DLG2: variants seen among roughly 807,000 people sequenced by gnomAD.
The protein encoded by DLG2 is disks large homolog 2.
Under a neutral mutation model 132.5 loss-of-function variants are expected in DLG2, and 45 were observed. The observed-to-expected ratio is 0.34, with a 90% CI of 0.27 to 0.44. DLG2 has a LOEUF of 0.44. Among genes scored for constraint, DLG2 ranks in the 20% least tolerant of loss-of-function variants. The pLI is 1.00. For synonymous variants in DLG2, 424 were observed against 419.6 expected, an observed-to-expected ratio of 1.01 and a Z score of -0.13; for missense variants, 1,045 against 1,196.9, an observed-to-expected ratio of 0.87 and a Z score of 1.87.
intron 4 of DLG2, among the ~76,000 whole-genome samples, chr11:85,186,825 TAA>T (rs2080137944): frequency 1.3e-5 from 2 of 152,254 alleles, no homozygotes; most frequent in South Asian, 4.1e-4. Flanking sequence ...TTTCAAGTTA[TAA>T]TTCATCATAT....
At chr11:83,484,615 A>ATGAT (rs2093379160) in intron 21 of DLG2, among the ~76,000 whole-genome samples, 1 of 152,146 alleles carries the variant, frequency 6.6e-6, no homozygotes, top group Admixed American at 6.5e-5. Flanking sequence ...AATGAGGACA[A>ATGAT]TGATAGCAGC....
intron 4 of DLG2, among the ~76,000 whole-genome samples, chr11:85,282,656 G>A (rs2078304446): frequency 6.6e-6 from 1 of 151,872 alleles, no homozygotes; most frequent in Non-Finnish European, 1.5e-5. Context: ...AAGAACAACT[G>A]TATTTAGAAT....
At chr11:85,450,928 C>T (rs1417725158) in intron 3 of DLG2, among the ~76,000 whole-genome samples, 1 of 152,018 alleles carries the variant, frequency 6.6e-6, no homozygotes, top group Non-Finnish European at 1.5e-5. Context: ...CCACTCAGAG[C>T]TTGTTTCTAA....
chr11:83,887,470 C>A (rs1207063913), intron 15 of DLG2, among the ~76,000 whole-genome samples: 1 of 151,898 alleles, frequency 6.6e-6, no homozygotes, highest in Non-Finnish European at 1.5e-5. Context: ...GCTTACCAAC[C>A]AAAAAGAGTC....
rs576740947 is a variant in DLG2, at chr11:85,514,072, G to A, written c.40+84585C>T. Among the ~76,000 whole-genome samples, 5 of 151,966 alleles carry A rather than the reference G, an allele frequency of 3.3e-5. No individual in the cohort carries two copies. In the East Asian group the frequency reaches 5.8e-4, roughly 18 times the overall value. On this transcript the variant is annotated intron_variant, in intron 3 of 27. Coordinates refer to ENST00000376104, the MANE Select transcript of DLG2 (RefSeq NM_001142699.3). ...AATACATATTTCAGACCCTTGCAGA[G>A]TAATTTTGTAAAACTCAGATTTATT... is the stretch of plus-strand genomic sequence containing the variant.
intron 17 of DLG2, among the ~76,000 whole-genome samples, chr11:83,787,470 C>T (rs950378503): frequency 4.0e-5 from 6 of 151,516 alleles, no homozygotes; most frequent in African/African-American, 1.2e-4. Context: ...TACAGGTGCC[C>T]GCCACCACGC....
At chr11:83,734,396 C>G (rs1050686937) in intron 18 of DLG2, among the ~76,000 whole-genome samples, 11 of 144,868 alleles carry the variant, frequency 7.6e-5, no homozygotes, top group African/African-American at 2.9e-4. Flanking sequence ...TCCTTCCTTC[C>G]TTCCTTCCTT....
intron 6 of DLG2, among the ~76,000 whole-genome samples, chr11:85,071,783 T>C (rs1006490876): frequency 6.6e-6 from 1 of 151,864 alleles, no homozygotes; most frequent in Non-Finnish European, 1.5e-5. Context: ...GCGATTCATA[T>C]GATTAGAATA....
intron 2 of DLG2, among the ~76,000 whole-genome samples, chr11:85,613,128 T>C (rs1404463834): frequency 1.3e-5 from 2 of 152,194 alleles, no homozygotes; most frequent in Non-Finnish European, 2.9e-5. Flanking sequence ...TTGGGCAATA[T>C]GGCTCCTCCC....
intron 3 of DLG2, among the ~76,000 whole-genome samples, chr11:85,538,976 C>T (rs950176065): frequency 6.6e-6 from 1 of 151,824 alleles, no homozygotes; most frequent in African/African-American, 2.4e-5. Flanking sequence ...ATGCCCTGCA[C>T]ATGTATCCCA....
chr11:84,598,683 T>C (rs2099569076), intron 6 of DLG2, among the ~76,000 whole-genome samples: 1 of 151,426 alleles, frequency 6.6e-6, no homozygotes, highest in Non-Finnish European at 1.5e-5. Flanking sequence ...CCCAGCACTC[T>C]AGGAGGCCAG....
At chr11:83,480,275 G>A (rs1177431125) in intron 22 of DLG2, 9 of 934,158 alleles carry the variant, frequency 9.6e-6, no homozygotes, top group East Asian at 2.6e-5. Context: ...ATGATAAAAG[G>A]TAGCAATTGA....
At chr11:84,932,822 G>A (rs1051482509) in intron 6 of DLG2, among the ~76,000 whole-genome samples, 17 of 152,108 alleles carry the variant, frequency 1.1e-4, no homozygotes, top group African/African-American at 4.1e-4. Context: ...CGATAAACAT[G>A]TGTGTGCATG....
chr11:85,494,789 C>T (rs1046772661), intron 3 of DLG2, among the ~76,000 whole-genome samples: 12 of 151,702 alleles, frequency 7.9e-5, no homozygotes, highest in Non-Finnish European at 1.2e-4. Flanking sequence ...AATTATGAAG[C>T]TCTTCAAAGA....
At chr11:84,041,070 T>A (rs193035908) in intron 11 of DLG2, among the ~76,000 whole-genome samples, 2,739 of 151,970 alleles carry the variant, frequency 0.018, 79 homozygotes, top group South Asian at 0.063. Context: ...TACATTGATT[T>A]TGTATCCTGA....
intron 4 of DLG2, among the ~76,000 whole-genome samples, chr11:85,189,317 C>G (rs900238206): frequency 6.6e-6 from 1 of 152,066 alleles, no homozygotes; most frequent in African/African-American, 2.4e-5. Flanking sequence ...AAATTCATTC[C>G]TAGAGACCTA....
At chr11:85,400,006 G>C (rs2087882923) in intron 3 of DLG2, among the ~76,000 whole-genome samples, 1 of 151,954 alleles carries the variant, frequency 6.6e-6, no homozygotes, top group Admixed American at 6.6e-5. Flanking sequence ...CCTACAAAAT[G>C]GGAGAAAATT....
At chr11:84,586,215 A>C (rs576661465) in intron 6 of DLG2, among the ~76,000 whole-genome samples, 9 of 146,852 alleles carry the variant, frequency 6.1e-5, no homozygotes, top group East Asian at 5.8e-4. Flanking sequence ...TACTTTCTCT[A>C]TGTGTTCTGT....
chr11:85,611,329 C>A lies in DLG2; in HGVS notation c.-92-12541G>T, dbSNP rs565989950. Reference sequence around the variant, plus strand: ...CCAAAGGAAGTTTATGGCTATCAGACAACTGCCTACTTAGATACCAGGCAC... The same window carrying A: ...CCAAAGGAAGTTTATGGCTATCAGAAAACTGCCTACTTAGATACCAGGCAC... On this transcript the variant is annotated intron_variant, in intron 2 of 27. Transcript: ENST00000376104. 3.9e-4 allele frequency among the ~76,000 whole-genome samples: 59 copies of A among 152,312 alleles called. No homozygotes were observed. In the South Asian group the frequency reaches 0.011, roughly 27 times the overall value.
Sources: allele counts gnomAD v4.1 joint callset (sites outside exome capture counted in the v4.1 genomes callset), GRCh38; gene constraint gnomAD v4.1.1; transcripts MANE v1.5; gene names NCBI Gene and HGNC (gene_info 2026-07-23, HGNC 2026-07-21).